The following VIPR2 variants were observed in gnomAD, a reference collection of about 807,000 sequenced individuals.
VIPR2 encodes vasoactive intestinal peptide receptor 2, also known as vasoactive intestinal polypeptide receptor 2.
In VIPR2, 48 loss-of-function variants were observed where a neutral mutation model predicts 58.0. That is an observed-to-expected ratio of 0.83 (90% CI 0.66 to 1.05). The LOEUF is 1.05. Ranked by LOEUF, VIPR2 falls within the 50% of genes least tolerant of loss-of-function variation. The pLI is 0.00. For synonymous variants in VIPR2, 243 were observed against 235.2 expected, an observed-to-expected ratio of 1.03 and a Z score of -0.30; for missense variants, 534 against 558.0, an observed-to-expected ratio of 0.96 and a Z score of 0.43.
intron 4 of VIPR2, among the ~76,000 whole-genome samples, chr7:159,074,029 C>A (rs973992009): frequency 1.3e-5 from 2 of 152,154 alleles, no homozygotes; most frequent in Non-Finnish European, 2.9e-5. Flanking sequence ...AAATGTTTTT[C>A]ACATTTTAAT....
chr7:159,125,815 A>G (rs1796631123), intron 2 of VIPR2, among the ~76,000 whole-genome samples: 1 of 152,146 alleles, frequency 6.6e-6, no homozygotes, highest in African/African-American at 2.4e-5. Context: ...CATGCAGAGC[A>G]AGGGCCCCAC....
chr7:159,139,765 C>T (rs572666694), intron 2 of VIPR2, among the ~76,000 whole-genome samples: 7 of 152,336 alleles, frequency 4.6e-5, no homozygotes, highest in South Asian at 2.1e-4. Flanking sequence ...CCCCTCCAGA[C>T]GCGGGTGTAA....
intron 2 of VIPR2, among the ~76,000 whole-genome samples, chr7:159,129,031 G>C (rs1563351420): frequency 6.6e-6 from 1 of 152,272 alleles, no homozygotes; most frequent in Non-Finnish European, 1.5e-5. Context: ...CGTGGTCTTG[G>C]GGGCAATGGC....
chr7:159,070,883 C>A (rs3793223), intron 4 of VIPR2, among the ~76,000 whole-genome samples: 19,433 of 152,198 alleles, frequency 0.13, 1,438 homozygotes, highest in East Asian at 0.16. Flanking sequence ...GCAGACTGTG[C>A]GGTGAGTGCT....
In VIPR2 at chr7:159,031,506, G is replaced by A. The variant is rs938556624; in HGVS notation, c.1143+322C>T. The A allele has an allele frequency of 1.8e-5, 18 of 985,234 alleles. No individual in the cohort carries two copies. In the African/African-American group the frequency reaches 2.8e-4, roughly 15 times the overall value. The allele number at this position is 985,234 out of a possible 1,614,324, so 61.0% of individuals were successfully genotyped here. On this transcript the variant is annotated intron_variant, in intron 12 of 12. Coordinates refer to ENST00000262178, the MANE Select transcript of VIPR2 (RefSeq NM_003382.5). The surrounding 1 kb of genome is among the most constrained non-coding windows in gnomAD (Gnocchi z 4.0). ...TTCTGGGACTCACAAGCTATGGTCA[G>A]GAGCGAGACGCCGACCATGGGGAAA...
intron 3 of VIPR2, among the ~76,000 whole-genome samples, chr7:159,104,105 C>G (rs150377352): frequency 7.8e-4 from 119 of 152,274 alleles, no homozygotes; most frequent in African/African-American, 2.7e-3. Context: ...TCATAATTAC[C>G]GCAACTGTAA....
intron 2 of VIPR2, among the ~76,000 whole-genome samples, chr7:159,138,041 A>G (rs1252820486): frequency 1.3e-5 from 2 of 152,246 alleles, no homozygotes; most frequent in African/African-American, 4.8e-5. Context: ...TTAGTTTCTT[A>G]GAACAGGTCT....
At chr7:159,104,478 C>T (rs1858510811) in intron 3 of VIPR2, among the ~76,000 whole-genome samples, 1 of 146,518 alleles carries the variant, frequency 6.8e-6, no homozygotes, top group Admixed American at 6.8e-5. Context: ...CTGATGGTGA[C>T]CAGGTGCCCA....
intron 5 of VIPR2, among the ~76,000 whole-genome samples, chr7:159,055,424 C>T (rs1050594489): frequency 4.0e-5 from 6 of 151,834 alleles, no homozygotes; most frequent in Non-Finnish European, 7.4e-5. Flanking sequence ...CATTAGCAAA[C>T]GTTTAGCATA....
At chr7:159,052,324 C>T (rs536530977) in intron 5 of VIPR2, among the ~76,000 whole-genome samples, 1 of 152,200 alleles carries the variant, frequency 6.6e-6, no homozygotes, top group African/African-American at 2.4e-5. Context: ...GGACAGATTC[C>T]TTGAAAAGTA....
chr7:159,129,373 C>T (rs28575321), intron 2 of VIPR2, among the ~76,000 whole-genome samples: 1,886 of 70,118 alleles, frequency 0.027, no homozygotes, highest in African/African-American at 0.067. Context: ...TCACACTCTG[C>T]TCCCTCAAAC....
intron 2 of VIPR2, among the ~76,000 whole-genome samples, chr7:159,111,919 G>T (rs1426115865): frequency 1.3e-5 from 2 of 152,104 alleles, no homozygotes; most frequent in African/African-American, 4.8e-5. Flanking sequence ...GCTGAGGTGG[G>T]AGGATCACTT....
intron 2 of VIPR2, among the ~76,000 whole-genome samples, chr7:159,119,552 T>A (rs1796374817): frequency 6.6e-6 from 1 of 152,132 alleles, no homozygotes; most frequent in African/African-American, 2.4e-5. Context: ...GGCAAACCCC[T>A]CCTAGGGCAC....
chr7:159,040,389 G>A (rs1442692569), intron 6 of VIPR2, among the ~76,000 whole-genome samples: 3 of 152,268 alleles, frequency 2.0e-5, no homozygotes, highest in Non-Finnish European at 4.4e-5. Context: ...GTGCACGTGA[G>A]GCAGGCAGGA....
chr7:159,142,510 C>T lies in VIPR2; in HGVS notation c.87G>A (p.Leu29=). ...NSIHPECRFH[L]EIQEEETKCA... ...ATTTTGTTTCTTCCTCCTGTATTTCCAGATGAAATCGGCATTCTGGGTGAA... is the reference window on the plus strand; with the variant it reads ...ATTTTGTTTCTTCCTCCTGTATTTCTAGATGAAATCGGCATTCTGGGTGAA... The change falls in exon 2 of 13, where the codon CTG becomes CTA. Residue 29 remains leucine (L), a synonymous_variant. Transcript: ENST00000262178. The T allele has an allele frequency of 1.2e-6, 2 of 1,613,940 alleles. No individual in the cohort carries two copies. Among genetic ancestry groups the T allele is most frequent in the Non-Finnish European group, 1.7e-6 (2 of 1,179,966 alleles).
chr7:159,086,802 GTGAGTAGCTGA>G (rs1857200774), intron 4 of VIPR2, among the ~76,000 whole-genome samples: 1 of 152,244 alleles, frequency 6.6e-6, no homozygotes, highest in Non-Finnish European at 1.5e-5. Context: ...TGACTCCTCA[GTGAGTAGCTGA>G]TACCCATGTA....
At position 159,029,535 on chromosome 7, in the gene VIPR2, A is replaced by T. The variant is rs1363740981; in HGVS notation, c.*1081T>A. On this transcript the variant is annotated 3_prime_UTR_variant, in exon 13 of 13. Coordinates refer to ENST00000262178, the MANE Select transcript of VIPR2 (RefSeq NM_003382.5). ...TAAGATTATTTTTGTTAAAAAGAGA[A>T]TAGGTTTCCGGTTCCCACTCAGCTG... The T allele has an allele frequency of 1.3e-5, 2 of 152,210 alleles. No individual in the cohort carries two copies. The highest frequency in any genetic ancestry group is 4.8e-5 in the African/African-American group (2 of 41,452). The allele number at this position is 152,210 out of a possible 1,614,324, so 9.4% of individuals were successfully genotyped here. A position where few individuals can be genotyped will look rare whatever the true frequency, so the allele number is the denominator to read the frequency against.
chr7:159,048,028 C>A (rs1490566060), intron 5 of VIPR2, among the ~76,000 whole-genome samples: 1 of 152,058 alleles, frequency 6.6e-6, no homozygotes, highest in African/African-American at 2.4e-5. Flanking sequence ...ATAAAAACTT[C>A]CCATAATATA....
intron 2 of VIPR2, among the ~76,000 whole-genome samples, chr7:159,116,614 G>A (rs543415402): frequency 6.6e-6 from 1 of 152,306 alleles, no homozygotes; most frequent in Admixed American, 6.5e-5. Context: ...TCAGAAAAAC[G>A]GACCCTGTGA....
Sources: gnomAD v4.1 joint callset for allele counts (sites outside exome capture counted in the v4.1 genomes callset) on GRCh38, gnomAD v4.1.1 for gene constraint, Gnocchi (gnomAD v3.1) non-coding constraint, MANE v1.5 for transcripts, NCBI Gene and HGNC (gene_info 2026-07-23, HGNC 2026-07-21) for gene names.